Variants in ADGRB3 observed in about 807,000 individuals in gnomAD.
ADGRB3 encodes brain-specific angiogenesis inhibitor 3.
In ADGRB3, 37 loss-of-function variants were observed where a neutral mutation model predicts 193.4. That is an observed-to-expected ratio of 0.19 (90% CI 0.15 to 0.25). The LOEUF (loss-of-function observed/expected upper bound fraction) is 0.25, where lower values mean the gene tolerates loss of function less well. ADGRB3 is among the 10% of genes least tolerant of loss of function. The pLI, the probability that ADGRB3 is intolerant of heterozygous loss-of-function variation, is 1.00. For missense variants in ADGRB3, 1,637 were observed against 1,852.9 expected, an observed-to-expected ratio of 0.88 and a Z score of 2.14; for synonymous variants, 690 against 644.2, an observed-to-expected ratio of 1.07 and a Z score of -1.08.
Position 69,389,098 on chromosome 6 carries a change from T to A in ADGRB3, c.*207T>A, listed in dbSNP as rs780890916. The A allele has an allele frequency of 1.8e-5, 8 of 441,410 alleles. No individual in the cohort carries two copies. The highest frequency in any genetic ancestry group is 3.2e-5 in the Non-Finnish European group (8 of 250,452). 27.3% of individuals were successfully genotyped at this position (441,410 alleles called of 1,614,324 possible). A position where few individuals can be genotyped will look rare whatever the true frequency, so the allele number is the denominator to read the frequency against. On this transcript the variant is annotated 3_prime_UTR_variant, in exon 32 of 32. Coordinates refer to ENST00000370598, the MANE Select transcript of ADGRB3 (RefSeq NM_001704.3). ...GGTGTACAGTTCTGACCATCCTGTG[T>A]TGTAAGTACCCGTGGAATGGATTTG...
chr6:69,319,022 A>G (rs1184744101), intron 20 of ADGRB3, among the ~76,000 whole-genome samples: 1 of 150,896 alleles, frequency 6.6e-6, no homozygotes, highest in East Asian at 1.9e-4. Context: ...CTGTTCTTCA[A>G]ATTTTCTGGT....
At chr6:69,000,295 C>T (rs1299878846) in intron 11 of ADGRB3, among the ~76,000 whole-genome samples, 2 of 152,246 alleles carry the variant, frequency 1.3e-5, no homozygotes, top group African/African-American at 2.4e-5. Flanking sequence ...AACCATTGCT[C>T]CAAAGGGAAA....
chr6:69,101,611 A>G (rs1259770102), intron 17 of ADGRB3, among the ~76,000 whole-genome samples: 3 of 151,990 alleles, frequency 2.0e-5, no homozygotes, highest in Non-Finnish European at 4.4e-5. Flanking sequence ...AAAGACATAA[A>G]TTTTAAATTA....
At chr6:68,856,224 A>T (rs1212883178) in intron 3 of ADGRB3, among the ~76,000 whole-genome samples, 2 of 152,168 alleles carry the variant, frequency 1.3e-5, no homozygotes. Context: ...GCAGTGTGAA[A>T]ACGGACTAAT....
At chr6:69,053,787 C>T (rs182357925) in intron 15 of ADGRB3, among the ~76,000 whole-genome samples, 5 of 152,130 alleles carry the variant, frequency 3.3e-5, no homozygotes, top group Admixed American at 3.3e-4. Flanking sequence ...TTTGGCAATA[C>T]CAAGAGCCTT....
At chr6:69,011,254 G>A (rs896040329) in intron 11 of ADGRB3, among the ~76,000 whole-genome samples, 26 of 151,508 alleles carry the variant, frequency 1.7e-4, no homozygotes, top group African/African-American at 5.6e-4. Flanking sequence ...AAGCTGAGGC[G>A]CAAAATGTGG....
rs1582359945 is a variant in ADGRB3 at position 68,971,023 on chromosome 6, C to T, written c.1526-3740C>T. On this transcript the variant is annotated intron_variant, in intron 8 of 31. Coordinates refer to ENST00000370598, the MANE Select transcript of ADGRB3 (RefSeq NM_001704.3). ...GTGTGAGCAGCTTCACCTGAGATTT[C>T]TTTGGAATAGCCAAGTAAAAAATGC... is the stretch of plus-strand genomic sequence containing the variant. Among the ~76,000 whole-genome samples the T allele has an allele frequency of 2.0e-5, 3 of 152,272 alleles. No homozygotes were observed. The East Asian group carries it at 5.8e-4, about 29-fold the overall frequency.
At chr6:68,878,973 T>A (rs1454966116) in intron 3 of ADGRB3, among the ~76,000 whole-genome samples, 1 of 152,112 alleles carries the variant, frequency 6.6e-6, no homozygotes, top group African/African-American at 2.4e-5. Flanking sequence ...AGGAAAGACC[T>A]GTGCCCATGA....
chr6:68,912,135 G>T (rs1450179571), intron 3 of ADGRB3, among the ~76,000 whole-genome samples: 2 of 151,920 alleles, frequency 1.3e-5, no homozygotes, highest in African/African-American at 4.8e-5. Context: ...ACTGTTGTGA[G>T]AATTTTATTC....
intron 3 of ADGRB3, among the ~76,000 whole-genome samples, chr6:68,853,975 A>G (rs1768457631): frequency 1.3e-5 from 2 of 152,192 alleles, no homozygotes. Flanking sequence ...CAGATCTTTT[A>G]TTAATCATCT....
chr6:68,787,468 G>A (rs921123684), intron 3 of ADGRB3, among the ~76,000 whole-genome samples: 21 of 152,198 alleles, frequency 1.4e-4, no homozygotes, highest in African/African-American at 3.1e-4. Context: ...ATTGATTTGC[G>A]TATTTTGAAC....
chr6:68,662,544 A>G (rs1402598148), intron 3 of ADGRB3, among the ~76,000 whole-genome samples: 1 of 151,540 alleles, frequency 6.6e-6, no homozygotes, highest in Non-Finnish European at 1.5e-5. Flanking sequence ...AAAAATTATA[A>G]AAAAATTTCT....
chr6:69,356,304 G>C (rs1179703117), intron 28 of ADGRB3, among the ~76,000 whole-genome samples: 1 of 152,130 alleles, frequency 6.6e-6, no homozygotes, highest in Non-Finnish European at 1.5e-5. Flanking sequence ...ATGAGTACAT[G>C]TTCTTACATT....
At chr6:69,069,731 T>TAA (rs754345752) in intron 16 of ADGRB3, among the ~76,000 whole-genome samples, 5,556 of 107,988 alleles carry the variant, frequency 0.051, 174 homozygotes, top group African/African-American at 0.081. Context: ...ACTCTCTCAT[T>TAA]AAAAAAAAAA....
At chr6:68,879,960 A>G (rs750039683) in intron 3 of ADGRB3, among the ~76,000 whole-genome samples, 2 of 152,226 alleles carry the variant, frequency 1.3e-5, no homozygotes, top group African/African-American at 4.8e-5. Flanking sequence ...ACCCAGACCA[A>G]TTGCATCAAA....
chr6:69,307,630 CTTTTTATTT>C (rs1768095135), intron 20 of ADGRB3, among the ~76,000 whole-genome samples: 1 of 151,446 alleles, frequency 6.6e-6, no homozygotes. Context: ...ATCTCTTCTT[CTTTTTATTT>C]TTTCAGTTTT....
intron 16 of ADGRB3, among the ~76,000 whole-genome samples, chr6:69,069,621 T>G (rs570731935): frequency 2.9e-5 from 4 of 135,704 alleles, no homozygotes; most frequent in Admixed American, 7.8e-5. Context: ...ATCCCAGCTA[T>G]TCAGAAGGCT....
At chr6:69,310,687 T>C (rs1768170555) in intron 20 of ADGRB3, among the ~76,000 whole-genome samples, 1 of 151,686 alleles carries the variant, frequency 6.6e-6, no homozygotes. Flanking sequence ...CTTACATAAC[T>C]TTAAAAATGT....
At chr6:68,835,667 G>C (rs1768032372) in intron 3 of ADGRB3, among the ~76,000 whole-genome samples, 1 of 151,818 alleles carries the variant, frequency 6.6e-6, no homozygotes, top group African/African-American at 2.4e-5. Flanking sequence ...TCTTAGATTA[G>C]AGAGGTCACA....
Sources: gnomAD v4.1 joint callset for allele counts (sites outside exome capture counted in the v4.1 genomes callset) on GRCh38, gnomAD v4.1.1 for gene constraint, MANE v1.5 for transcripts, NCBI Gene and HGNC (gene_info 2026-07-23, HGNC 2026-07-21) for gene names.